CLEC6A: variants seen among roughly 807,000 people sequenced by gnomAD.
CLEC6A encodes C-type lectin domain family 6 member A.
Under a neutral mutation model 25.7 loss-of-function variants are expected in CLEC6A, and 22 were observed. The observed-to-expected ratio is 0.85, with a 90% confidence interval of 0.61 to 1.22. CLEC6A has a LOEUF of 1.22. Ranked by LOEUF, CLEC6A falls within the 50% of genes most tolerant of loss-of-function variation. The pLI, the probability that CLEC6A is intolerant of heterozygous loss-of-function variation, is 0.00. For missense variants in CLEC6A, 240 were observed against 236.8 expected (o/e 1.01, Z -0.09); for synonymous variants, 92 against 76.7 (o/e 1.20, Z -1.04).
chr12:8,456,197 A>C, intron 1 of CLEC6A, 55 bp downstream of exon 1: 19 of 1,550,834 alleles, frequency 1.2e-5, no homozygotes, highest in Non-Finnish European at 1.3e-5. Flanking sequence ...AAATGAGATC[A>C]CCTGGAGAGA....
intron 3 of CLEC6A, among the ~76,000 whole-genome samples, chr12:8,462,245 T>C (rs777632121): frequency 4.0e-5 from 6 of 149,284 alleles, no homozygotes; most frequent in Admixed American, 2.0e-4. Context: ...CAGGGACCTC[T>C]GCCTAGGAAA....
At chr12:8,461,194 A>C in intron 3 of CLEC6A, 1 of 1,024,404 alleles carries the variant, frequency 9.8e-7, no homozygotes, top group East Asian at 2.4e-5. Flanking sequence ...GGCAGATTGG[A>C]GAATGTGCAA....
intron 4 of CLEC6A, among the ~76,000 whole-genome samples, chr12:8,475,021 T>C (rs1939953839): frequency 6.6e-6 from 1 of 152,256 alleles, no homozygotes; most frequent in African/African-American, 2.4e-5. Context: ...CTCCTAATGC[T>C]TTCCCTCCCC....
chr12:8,469,035 A>T (rs928825857), intron 4 of CLEC6A, among the ~76,000 whole-genome samples: 10 of 152,144 alleles, frequency 6.6e-5, no homozygotes, highest in Non-Finnish European at 1.2e-4. Context: ...TACCTAGAAA[A>T]CCCTAAAGAC....
chr12:8,476,394 A>G (rs1035848032), intron 5 of CLEC6A, among the ~76,000 whole-genome samples, 154 bp downstream of exon 5: 2 of 152,134 alleles, frequency 1.3e-5, no homozygotes, highest in Non-Finnish European at 2.9e-5. Flanking sequence ...AACTTCATGA[A>G]AACTTCTCTT....
chr12:8,469,714 G>A (rs1472204215), intron 4 of CLEC6A, among the ~76,000 whole-genome samples: 2 of 152,190 alleles, frequency 1.3e-5, no homozygotes, highest in Non-Finnish European at 2.9e-5. Context: ...ACCGTGGTGG[G>A]ATAATTGGCA....
At chr12:8,476,385 A>T (rs1939974593) in intron 5 of CLEC6A, 145 bp downstream of exon 5, 4 of 554,568 alleles carry the variant, frequency 7.2e-6, no homozygotes, top group Non-Finnish European at 9.5e-6. Context: ...TCTCACTTAA[A>T]CTTCATGAAA....
intron 4 of CLEC6A, among the ~76,000 whole-genome samples, chr12:8,467,865 TA>T (rs1206793551): frequency 6.6e-6 from 1 of 152,254 alleles, no homozygotes; most frequent in Non-Finnish European, 1.5e-5. Context: ...TTGTAGTTTT[TA>T]TAGTGCAAGT....
chr12:8,465,341 C>T, intron 3 of CLEC6A, 143 bp from the exon 4 acceptor site: 1 of 680,360 alleles, frequency 1.5e-6, no homozygotes, highest in Non-Finnish European at 2.3e-6. Context: ...TATGTGAAAT[C>T]AATTCTAGGA....
At chr12:8,457,470 A>T (rs867831703) in intron 1 of CLEC6A, among the ~76,000 whole-genome samples, 3 of 152,172 alleles carry the variant, frequency 2.0e-5, no homozygotes, top group African/African-American at 7.2e-5. Flanking sequence ...TTATCCATTC[A>T]TCTGTTGATG....
At position 8,465,524 on chromosome 12, in the gene CLEC6A, C is replaced by T; in HGVS notation, c.264C>T (p.Ser88=). ...CAGCTTCTTGGAAGTCATTTGGTTC[C>T]AGTTGCTACTTCATTTCCAGTGAAG... ...CCPASWKSFG[S]SCYFISSEEK... The change falls in exon 4 of 6, where the codon TCC becomes TCT. Residue 88 remains serine (S), a synonymous_variant. Transcript: ENST00000382073. 2 of 1,613,926 alleles carry T rather than the reference C, an allele frequency of 1.2e-6. No individual in the cohort carries two copies. Among genetic ancestry groups the T allele is most frequent in the South Asian group, 2.2e-5 (2 of 91,068 alleles).
chr12:8,456,223 A>G, intron 1 of CLEC6A, 81 bp downstream of exon 1: 2 of 1,414,592 alleles, frequency 1.4e-6, no homozygotes, highest in South Asian at 2.3e-5. Context: ...TAGCCAAAGA[A>G]CAGATTGAAG....
At chr12:8,465,439 T>A (rs1434403794) in intron 3 of CLEC6A, 45 bp from the exon 4 acceptor site, 2 of 1,599,628 alleles carry the variant, frequency 1.3e-6, no homozygotes, top group Non-Finnish European at 1.7e-6. Flanking sequence ...ATCTCATTTA[T>A]CTTATCTTGC....
chr12:8,472,470 A>G (rs1398581330), intron 4 of CLEC6A, among the ~76,000 whole-genome samples: 1 of 152,132 alleles, frequency 6.6e-6, no homozygotes, highest in African/African-American at 2.4e-5. Context: ...TTCCCTTCCA[A>G]GAGAGATGCT....
intron 4 of CLEC6A, among the ~76,000 whole-genome samples, chr12:8,472,897 C>T (rs948038687): frequency 1.3e-5 from 2 of 151,958 alleles, no homozygotes; most frequent in African/African-American, 2.4e-5. Flanking sequence ...TCAACCATTA[C>T]CCCATTCCAT....
At chr12:8,468,985 A>G (rs1001557658) in intron 4 of CLEC6A, among the ~76,000 whole-genome samples, 1 of 152,180 alleles carries the variant, frequency 6.6e-6, no homozygotes, top group African/African-American at 2.4e-5. Flanking sequence ...AATTGGTAAT[A>G]AGGAAGTTGA....
chr12:8,457,289 T>G (rs1318665015), intron 1 of CLEC6A, among the ~76,000 whole-genome samples: 2 of 152,190 alleles, frequency 1.3e-5, no homozygotes, highest in Non-Finnish European at 2.9e-5. Flanking sequence ...GAGATCAATT[T>G]TTTTAACTCC....
Position 8,465,604 on chromosome 12 carries a change from T to C in CLEC6A, c.344T>C (p.Val115Ala). 1.2e-6 allele frequency: 2 copies of C among 1,613,944 alleles called. No homozygotes were observed. Among genetic ancestry groups the C allele is most frequent in the African/African-American group, 1.3e-5 (1 of 75,044 alleles). Residue 115 changes from valine (V) to alanine (A), a missense_variant, in exon 4 of 6, where the codon GTT becomes GCT. Transcript: ENST00000382073. ...TGTGTTGAGATGGGAGCACATTTGGTTGTGTTCAACACAGAAGCAGAGCAG... is the reference window on the plus strand; with the variant it reads ...TGTGTTGAGATGGGAGCACATTTGGCTGTGTTCAACACAGAAGCAGAGCAG... ...QNCVEMGAHL[V>A]VFNTEAEQNF... is the part of the protein sequence containing the mutation.
chr12:8,474,794 A>T (rs1939949006), intron 4 of CLEC6A, among the ~76,000 whole-genome samples: 1 of 152,190 alleles, frequency 6.6e-6, no homozygotes, highest in South Asian at 2.1e-4. Flanking sequence ...GAGAAGAATT[A>T]TTTTTTATGA....
Sources: allele counts gnomAD v4.1 joint callset (sites outside exome capture counted in the v4.1 genomes callset), GRCh38; gene constraint gnomAD v4.1.1; transcripts MANE v1.5; gene names NCBI Gene and HGNC (gene_info 2026-07-23, HGNC 2026-07-21).